The following RIMS1 variants were observed in gnomAD, a reference collection of about 807,000 sequenced individuals.
The protein encoded by RIMS1 is regulating synaptic membrane exocytosis 1, also known as regulating synaptic membrane exocytosis protein 1.
Under a neutral mutation model 214.1 loss-of-function variants are expected in RIMS1, and 83 were observed. That is an observed-to-expected ratio of 0.39 (90% confidence interval 0.32 to 0.47). RIMS1 has a LOEUF of 0.47. RIMS1 is among the 20% of genes least tolerant of loss of function. RIMS1 has a pLI of 0.99. For synonymous variants in RIMS1, 793 were observed against 786.8 expected (o/e 1.01, Z -0.13); for missense variants, 2,050 against 2,161.8 (o/e 0.95, Z 1.03).
intron 6 of RIMS1, among the ~76,000 whole-genome samples, chr6:72,195,892 A>G (rs968508104): frequency 6.6e-6 from 1 of 152,144 alleles, no homozygotes; most frequent in Admixed American, 6.6e-5. Flanking sequence ...CACGTCTTAC[A>G]TGACGGCAGG....
intron 4 of RIMS1, among the ~76,000 whole-genome samples, chr6:72,151,655 G>T (rs546265978): frequency 6.6e-6 from 1 of 152,212 alleles, no homozygotes; most frequent in South Asian, 2.1e-4. Flanking sequence ...CTGTAACCAA[G>T]AAAAGGAGTA....
intron 29 of RIMS1, among the ~76,000 whole-genome samples, chr6:72,379,924 T>G (rs561825385): frequency 1.8e-3 from 272 of 152,240 alleles, no homozygotes; most frequent in Non-Finnish European, 3.3e-3. Flanking sequence ...GGAGGAAAGA[T>G]TCCCCAAAAC....
Position 71,985,947 on chromosome 6 carries a change from G to C in RIMS1, c.245+16884G>C, listed in dbSNP as rs144885080. 2.0e-3 allele frequency among the ~76,000 whole-genome samples: 310 copies of C among 152,220 alleles called. 2 individuals carry two copies. Among genetic ancestry groups the C allele is most frequent in the African/African-American group, 6.7e-3 (278 of 41,556 alleles). On this transcript the variant is annotated intron_variant, in intron 2 of 33. Transcript: ENST00000521978. ...GGGTTAGTCTCTCTACTTTGTAGTA[G>C]TTCTATACTTTGAATATCTTTACTT...
intron 16 of RIMS1, among the ~76,000 whole-genome samples, chr6:72,257,567 G>C (rs978969151): frequency 6.6e-6 from 1 of 151,962 alleles, no homozygotes; most frequent in Non-Finnish European, 1.5e-5. Context: ...ATTATTTGTG[G>C]TTTGCAAAAT....
At chr6:72,198,604 A>T (rs115513295) in intron 6 of RIMS1, among the ~76,000 whole-genome samples, 2,473 of 152,098 alleles carry the variant, frequency 0.016, 79 homozygotes, top group African/African-American at 0.054. Context: ...GAGTAAGTAT[A>T]CTATAGTTAA....
At chr6:72,187,397 A>C (rs544736949) in intron 6 of RIMS1, among the ~76,000 whole-genome samples, 84 of 152,128 alleles carry the variant, frequency 5.5e-4, no homozygotes, top group African/African-American at 1.9e-3. Flanking sequence ...TGTTGTATGA[A>C]CACATATTTT....
chr6:71,915,770 T>C (rs1004461648), intron 1 of RIMS1, among the ~76,000 whole-genome samples: 2 of 152,118 alleles, frequency 1.3e-5, no homozygotes, highest in Admixed American at 6.6e-5. Context: ...AATAAAGACA[T>C]ACCTGAGACT....
intron 2 of RIMS1, among the ~76,000 whole-genome samples, chr6:71,990,956 AAC>A (rs1287533902): frequency 7.9e-5 from 12 of 152,202 alleles, no homozygotes; most frequent in African/African-American, 2.9e-4. Flanking sequence ...CAATTAAGAT[AAC>A]AGAATTCTGT....
chr6:71,923,775 G>C (rs866387990), intron 1 of RIMS1, among the ~76,000 whole-genome samples: 1 of 152,126 alleles, frequency 6.6e-6, no homozygotes, highest in South Asian at 2.1e-4. Context: ...TGTTGATCAG[G>C]CTGGTCTTGA....
intron 4 of RIMS1, among the ~76,000 whole-genome samples, chr6:72,118,416 A>G (rs1017180343): frequency 6.6e-6 from 1 of 151,508 alleles, no homozygotes; most frequent in African/African-American, 2.4e-5. Context: ...ATTGGTACCA[A>G]TATTACCGAA....
intron 33 of RIMS1, among the ~76,000 whole-genome samples, chr6:72,399,792 A>G (rs2098820289): frequency 6.6e-6 from 1 of 152,162 alleles, no homozygotes; most frequent in African/African-American, 2.4e-5. Flanking sequence ...TCAGTTGAGA[A>G]CCTTTACAGA....
intron 2 of RIMS1, among the ~76,000 whole-genome samples, chr6:72,080,904 T>C (rs1833220320): frequency 6.6e-6 from 1 of 152,210 alleles, no homozygotes; most frequent in South Asian, 2.1e-4. Flanking sequence ...TTCAAAGTCC[T>C]CAGATGATAA....
At chr6:72,264,843 T>G (rs2079686795) in intron 19 of RIMS1, 132 bp from the exon 20 acceptor site, 1 of 568,070 alleles carries the variant, frequency 1.8e-6, no homozygotes, top group South Asian at 2.4e-5. Context: ...GTTATTGTGG[T>G]TCTTTTGAGA....
intron 1 of RIMS1, among the ~76,000 whole-genome samples, chr6:71,954,871 CCACA>C (rs113212281): frequency 3.3e-4 from 49 of 147,398 alleles, no homozygotes; most frequent in Admixed American, 7.4e-4. Context: ...CACACACACT[CCACA>C]CACACACACA....
At position 72,085,099 on chromosome 6, in the gene RIMS1, A is replaced by T. The variant is rs917551466; in HGVS notation, c.246-11850A>T. On this transcript the variant is annotated intron_variant, in intron 2 of 33. Transcript: ENST00000521978. ...TTTTAACACATAAGATGTTGTAAAG[A>T]AAAGTAATTTAAATAACTGTGACAG... is the stretch of plus-strand genomic sequence containing the variant. 3.3e-5 allele frequency among the ~76,000 whole-genome samples: 5 copies of T among 152,172 alleles called. No homozygotes were observed. In the South Asian group the frequency reaches 1.0e-3, roughly 31 times the overall value.
intron 2 of RIMS1, among the ~76,000 whole-genome samples, chr6:72,015,848 C>T (rs900070410): frequency 2.0e-5 from 3 of 152,054 alleles, no homozygotes; most frequent in African/African-American, 7.2e-5. Flanking sequence ...ATGGCATGAA[C>T]CCGGGAGGCA....
At chr6:71,991,892 T>C (rs1206144486) in intron 2 of RIMS1, among the ~76,000 whole-genome samples, 1 of 152,082 alleles carries the variant, frequency 6.6e-6, no homozygotes, top group Non-Finnish European at 1.5e-5. Context: ...GGTGAAACCC[T>C]GTCTCTAATA....
chr6:72,032,828 A>C (rs1000229670), intron 2 of RIMS1, among the ~76,000 whole-genome samples: 2 of 152,186 alleles, frequency 1.3e-5, no homozygotes, highest in Non-Finnish European at 2.9e-5. Context: ...CATAACTCCT[A>C]TTCTCAAATA....
intron 1 of RIMS1, among the ~76,000 whole-genome samples, chr6:71,894,557 T>C (rs9446506): frequency 0.17 from 26,515 of 152,240 alleles, 2,554 homozygotes; most frequent in South Asian, 0.34. Flanking sequence ...ATAGTAGTTA[T>C]GAATTGCGAC....
Sources: gnomAD v4.1 joint callset for allele counts (sites outside exome capture counted in the v4.1 genomes callset) on GRCh38, gnomAD v4.1.1 for gene constraint, MANE v1.5 for transcripts, NCBI Gene and HGNC (gene_info 2026-07-23, HGNC 2026-07-21) for gene names.